Variants in SLC19A1 observed in about 807,000 individuals in gnomAD.
SLC19A1 encodes reduced folate transporter.
A neutral mutation model predicts 35.3 loss-of-function variants in SLC19A1; 37 were observed. That is an observed-to-expected ratio of 1.05 (90% CI 0.81 to 1.38). The LOEUF (loss-of-function observed/expected upper bound fraction) is 1.38. SLC19A1 is among the 40% of genes most tolerant of loss of function. SLC19A1 has a pLI of 0.00. For synonymous variants in SLC19A1, 460 were observed against 398.5 expected (o/e 1.15, Z -1.84); for missense variants, 831 against 826.9 (o/e 1.00, Z -0.06).
At chr21:45,520,745 G>A (rs563237185) in intron 5 of SLC19A1, among the ~76,000 whole-genome samples, 1 of 152,316 alleles carries the variant, frequency 6.6e-6, no homozygotes, top group East Asian at 1.9e-4. Context: ...CACTAGCCGG[G>A]CATGGTGGCT....
chr21:45,510,132 G>A (rs762013383), downstream of SLC19A1: 10 of 1,600,818 alleles, frequency 6.2e-6, no homozygotes, highest in South Asian at 1.1e-4. Context: ...CCGACTTCCA[G>A]TGCTTCCAGC....
rs1180883166 is a variant in SLC19A1, at chr21:45,530,602, A to G, written c.1151+168T>C. 1.3e-5 allele frequency among the ~76,000 whole-genome samples: 2 copies of G among 152,130 alleles called. No individual in the cohort carries two copies. The highest frequency in any genetic ancestry group is 2.9e-5 in the Non-Finnish European group (2 of 67,980). ...AAGACGGCACAGGAAGGGACGCCCG[A>G]GGTCCCAGGGAGAGGCAAGTGGGGA... is the stretch of plus-strand genomic sequence containing the variant. On this transcript the variant is annotated intron_variant, in intron 4 of 5. Transcript: ENST00000311124. This position sits in a 1 kb window ranked among gnomAD's most constrained non-coding sequence, Gnocchi z 5.3.
At position 45,504,417 on chromosome 21, in the gene SLC19A1, G is replaced by A. The variant is rs756140105; in HGVS notation, c.498-5805C>T. Reference sequence around the variant, plus strand: ...TGTAACAAGTGTTTCCGTCCACAGGGGGAGAAGGGAGACCGAGGTGATGCA... The same window carrying A: ...TGTAACAAGTGTTTCCGTCCACAGGAGGAGAAGGGAGACCGAGGTGATGCA... On this transcript the variant is annotated intron_variant, in intron 3 of 4. Transcript: ENST00000417954. 6.2e-7 allele frequency: 1 copy of A among 1,611,522 alleles called. No individual in the cohort carries two copies. The highest frequency in any genetic ancestry group is 1.1e-5 in the South Asian group (1 of 90,966).
In SLC19A1 at chr21:45,515,068, T is replaced by G. The variant is rs1387009468; in HGVS notation, c.*590A>C. 6.5e-7 allele frequency: 1 copy of G among 1,545,332 alleles called. No homozygotes were observed. The highest frequency in any genetic ancestry group is 8.7e-7 in the Non-Finnish European group (1 of 1,145,310). ...AACCAGCTCCGAGGACCAGAGCCGC[T>G]GCTCCCCTCTGATGACAATGTGTCT... On this transcript the variant is annotated 3_prime_UTR_variant, in exon 6 of 6. Coordinates refer to ENST00000311124, the MANE Select transcript of SLC19A1 (RefSeq NM_194255.4).
intron 4 of SLC19A1, among the ~76,000 whole-genome samples, chr21:45,527,760 T>C (rs1184596735): frequency 9.2e-4 from 77 of 84,094 alleles, no homozygotes; most frequent in Non-Finnish European, 9.8e-4. Context: ...CAGGGCAGGG[T>C]GGGCCCTGGA....
intron 1 of SLC19A1, among the ~76,000 whole-genome samples, chr21:45,560,139 G>T (rs185417787): frequency 1.3e-5 from 2 of 152,044 alleles, no homozygotes; most frequent in East Asian, 3.8e-4. Flanking sequence ...AGCATAAACC[G>T]TGCAGCCTTC....
At position 45,515,727 on chromosome 21, in the gene SLC19A1, A is replaced by G. The variant is rs140055382; in HGVS notation, c.1707T>C (p.His569=). 7.9e-5 allele frequency: 127 copies of G among 1,613,676 alleles called. No individual in the cohort carries two copies. Among genetic ancestry groups the G allele is most frequent in the Non-Finnish European group, 9.7e-5 (114 of 1,180,026 alleles). ...ADETCPQLAV[H]PPGVSKLGLQ... is the part of the protein sequence containing the mutation. ...AACCCAGCTTGCTGACACCAGGAGG[A>G]TGGACAGCCAGCTGGGGACAAGTCT... Residue 569 remains histidine, a synonymous_variant, in exon 6 of 6, where the codon CAT becomes CAC. Coordinates refer to ENST00000311124, the MANE Select transcript of SLC19A1 (RefSeq NM_194255.4).
chr21:45,526,988 G>A (rs2077642921), intron 4 of SLC19A1, among the ~76,000 whole-genome samples: 1 of 152,278 alleles, frequency 6.6e-6, no homozygotes, highest in Non-Finnish European at 1.5e-5. Flanking sequence ...CAGGTCACGG[G>A]CGTCTCAAAA....
rs766410509 is a variant in SLC19A1 at position 45,531,465 on chromosome 21, C to A, written c.873G>T (p.Leu291=). The A allele has an allele frequency of 3.1e-6, 5 of 1,612,552 alleles. No homozygotes were observed. Among genetic ancestry groups the A allele is most frequent in the Non-Finnish European group, 4.2e-6 (5 of 1,179,654 alleles). The change falls in exon 3 of 6, where the codon CTG becomes CTT. Residue 291 remains leucine (L), a synonymous_variant. Transcript: ENST00000311124. The part of the protein sequence containing the change: ...YYLVVYYVHI[L]WNEVDPTTNS... ...TGGTGGTGGGGTCCACCTCGTTCCA[C>A]AGGATGTGCACGTAGTAGACCACCA...
At chr21:45,527,238 G>A (rs1435432646) in intron 4 of SLC19A1, among the ~76,000 whole-genome samples, 1 of 143,490 alleles carries the variant, frequency 7.0e-6, no homozygotes, top group African/African-American at 2.6e-5. Flanking sequence ...GGCAATTGGG[G>A]GGGAGGGGGG....
chr21:45,535,059 G>C (rs987276840), intron 2 of SLC19A1, among the ~76,000 whole-genome samples: 13 of 152,390 alleles, frequency 8.5e-5, no homozygotes, highest in African/African-American at 3.1e-4. Context: ...GGCAGGGCCA[G>C]GCGTGGGGCA....
intron 1 of SLC19A1, among the ~76,000 whole-genome samples, chr21:45,541,442 G>T (rs2078300882): frequency 6.6e-6 from 1 of 152,238 alleles, no homozygotes; most frequent in African/African-American, 2.4e-5. Context: ...CGCCTCCAAG[G>T]ACTTTATCCC....
rs915090944 is a variant in SLC19A1, at chr21:45,530,158, G to A, written c.1151+612C>T. 3.3e-5 allele frequency among the ~76,000 whole-genome samples: 5 copies of A among 149,312 alleles called. No homozygotes were observed. The highest frequency in any genetic ancestry group is 2.2e-4 in the South Asian group (1 of 4,620). ...TCATGTGAGTGTGCATTGTGTGTCC[G>A]TGTGTGTGTGGTGCGTCCATGTGTA... On this transcript the variant is annotated intron_variant, in intron 4 of 5. Coordinates refer to ENST00000311124, the MANE Select transcript of SLC19A1 (RefSeq NM_194255.4). This position sits in a 1 kb window ranked among gnomAD's most constrained non-coding sequence, Gnocchi z 5.3.
intron 5 of SLC19A1, among the ~76,000 whole-genome samples, chr21:45,516,937 T>C (rs1030454045): frequency 3.3e-5 from 5 of 152,174 alleles, no homozygotes; most frequent in African/African-American, 1.2e-4. Context: ...CTGAGGAAGA[T>C]GGGGCTGACA....
At chr21:45,531,272 G>A (rs1358797013) in intron 3 of SLC19A1, 117 bp downstream of exon 3, 1 of 1,345,150 alleles carries the variant, frequency 7.4e-7, no homozygotes, top group Middle Eastern at 2.7e-4. Flanking sequence ...TCTGGGGGAA[G>A]GTATCCATGG....
At chr21:45,523,601 A>T (rs923915342) in intron 5 of SLC19A1, among the ~76,000 whole-genome samples, 1 of 152,194 alleles carries the variant, frequency 6.6e-6, no homozygotes, top group Non-Finnish European at 1.5e-5. Flanking sequence ...GCACACGCAC[A>T]GAGTCCCTAA....
chr21:45,544,638 C>G (rs929869102), upstream of SLC19A1, among the ~76,000 whole-genome samples: 1 of 152,184 alleles, frequency 6.6e-6, no homozygotes, highest in Non-Finnish European at 1.5e-5. Context: ...GGGAGAAGCC[C>G]TGGGTTGGAG....
intron 3 of SLC19A1, among the ~76,000 whole-genome samples, chr21:45,503,613 A>C (rs1254348154): frequency 7.8e-6 from 1 of 128,854 alleles, no homozygotes; most frequent in Non-Finnish European, 1.6e-5. Context: ...AGGAAGGGGA[A>C]CATCACACTC....
At chr21:45,519,570 C>CAAAAAAAAAAAAAAAAAAAAA (rs57639933) in intron 5 of SLC19A1, among the ~76,000 whole-genome samples, 2 of 57,232 alleles carry the variant, frequency 3.5e-5, no homozygotes, top group Non-Finnish European at 6.6e-5. Context: ...AACTTCTGAG[C>CAAAAAAAAAAAAAAAAAAAAA]AAAAAAAAAA....
Sources: gnomAD v4.1 joint callset for allele counts (sites outside exome capture counted in the v4.1 genomes callset) on GRCh38, gnomAD v4.1.1 for gene constraint, Gnocchi (gnomAD v3.1) non-coding constraint, MANE v1.5 for transcripts, NCBI Gene and HGNC (gene_info 2026-07-23, HGNC 2026-07-21) for gene names.